Variants in INTS1 observed in about 807,000 individuals in gnomAD.
INTS1 encodes integrator complex subunit 1.
In INTS1, 137 loss-of-function variants were observed where a neutral mutation model predicts 241.6. The observed-to-expected ratio is 0.57, with a 90% CI of 0.49 to 0.65. The LOEUF (loss-of-function observed/expected upper bound fraction) is 0.65, where lower values mean the gene tolerates loss of function less well. Among genes scored for constraint, INTS1 ranks in the 30% least tolerant of loss-of-function variants. INTS1 has a pLI of 0.00. For synonymous variants in INTS1, 1,692 were observed against 1,337.8 expected (o/e 1.26, Z -5.78); for missense variants, 3,073 against 3,032.2 (o/e 1.01, Z -0.32).
At chr7:1,503,777 T>G (rs1783319796) in intron 2 of INTS1, 126 bp downstream of exon 2, 4 of 694,450 alleles carry the variant, frequency 5.8e-6, no homozygotes. Flanking sequence ...CCAGACCGAA[T>G]TCCTGGAAAC....
chr7:1,492,650 G>T (rs567412214), intron 16 of INTS1, among the ~76,000 whole-genome samples: 121 of 152,308 alleles, frequency 7.9e-4, no homozygotes, highest in Middle Eastern at 3.4e-3. Flanking sequence ...ACGCACACAC[G>T]TTAAACACAG....
chr7:1,474,364 C>T lies in INTS1; in HGVS notation c.5637-4G>A, dbSNP rs373321101. On this transcript the variant is annotated splice_polypyrimidine_tract_variant and splice_region_variant and intron_variant, in intron 40 of 47. Transcript: ENST00000404767. ...CGCCGCGATCATGGGCAGGTGCCTG[C>T]GGGCGCGGTGAGGGCCCAGTCAGCC... is the stretch of plus-strand genomic sequence containing the variant. 3.2e-6 allele frequency: 5 copies of T among 1,584,236 alleles called. No individual in the cohort carries two copies. Among genetic ancestry groups the T allele is most frequent in the South Asian group, 1.1e-5 (1 of 89,386 alleles).
chr7:1,500,458 C>T lies in INTS1; in HGVS notation c.350-92G>A. The T allele has an allele frequency of 3.0e-6, 4 of 1,353,846 alleles. No individual in the cohort carries two copies. The South Asian group carries it at 5.9e-5, about 20-fold the overall frequency. The allele number at this position is 1,353,846 out of a possible 1,614,324, so 83.9% of individuals were successfully genotyped here. On this transcript the variant is annotated intron_variant, in intron 3 of 47. Transcript: ENST00000404767. ...CGGGAAGACCACGAGGAACCCAGAG[C>T]TCTCAGGGTCGGCCCTGCCAGGGAC...
intron 3 of INTS1, among the ~76,000 whole-genome samples, chr7:1,502,680 G>A (rs144711642): frequency 0.01 from 1,597 of 152,278 alleles, 6 homozygotes; most frequent in Non-Finnish European, 0.016. Flanking sequence ...GGAGTGACCC[G>A]GTTCTCAAAG....
Position 1,474,785 on chromosome 7 carries a change from G to C in INTS1, c.5556C>G (p.Ser1852=), listed in dbSNP as rs776338733. 12 of 1,583,282 alleles carry C rather than the reference G, an allele frequency of 7.6e-6. No homozygotes were observed. The East Asian group carries it at 2.1e-4, about 27-fold the overall frequency. Residue 1852 remains serine (S), a synonymous_variant, in exon 40 of 48, where the codon TCC becomes TCG. Coordinates refer to ENST00000404767, the MANE Select transcript of INTS1 (RefSeq NM_001080453.3). ...CCGCCCCTCGGTTCTCCAACGCCCGGGAGTCGCTGGTGTCCGCAAGGAGCG... is the reference window on the plus strand; with the variant it reads ...CCGCCCCTCGGTTCTCCAACGCCCGCGAGTCGCTGGTGTCCGCAAGGAGCG... ...FITLLADTSD[S]RALENRGADA...
chr7:1,498,227 T>C lies in INTS1; in HGVS notation c.1425+185A>G, dbSNP rs192047968. The stretch of plus-strand genomic sequence containing the variant: ...TGAGAAAGACGCTGGGCGCTGTGGC[T>C]GCACCCACTCTAGAAACGGCTCAAC... On this transcript the variant is annotated intron_variant, in intron 10 of 47. Coordinates refer to ENST00000404767, the MANE Select transcript of INTS1 (RefSeq NM_001080453.3). The C allele has an allele frequency of 6.8e-5, 57 of 840,272 alleles. No homozygotes were observed. In the African/African-American group the frequency reaches 8.7e-4, roughly 13 times the overall value. 52.1% of individuals were successfully genotyped at this position (840,272 alleles called of 1,614,324 possible).
intron 3 of INTS1, 47 bp downstream of exon 3, chr7:1,502,854 G>C: frequency 1.2e-6 from 2 of 1,601,084 alleles, no homozygotes; most frequent in African/African-American, 1.3e-5. Context: ...CCTGATGGAC[G>C]GCATGAGCTG....
At chr7:1,503,333 C>T (rs1161103322) in intron 2 of INTS1, 142 bp from the exon 3 acceptor site, 24 of 865,330 alleles carry the variant, frequency 2.8e-5, no homozygotes, top group Non-Finnish European at 3.8e-5. Flanking sequence ...ACTCAGCAGC[C>T]TACAGCAGAG....
intron 3 of INTS1, 106 bp downstream of exon 3, chr7:1,502,795 C>A: frequency 8.0e-7 from 1 of 1,242,342 alleles, no homozygotes; most frequent in Non-Finnish European, 1.1e-6. Flanking sequence ...TCCCAAAGGA[C>A]CTCGGCCATA....
chr7:1,485,224 G>A, intron 23 of INTS1, 22 bp from the exon 24 acceptor site: 1 of 1,599,362 alleles, frequency 6.3e-7, no homozygotes, highest in South Asian at 1.1e-5. Flanking sequence ...GGTGGTCTGA[G>A]CGGCAACAGG....
chr7:1,500,504 A>C (rs1045339668), intron 3 of INTS1, 138 bp from the exon 4 acceptor site: 33 of 963,094 alleles, frequency 3.4e-5, no homozygotes, highest in Non-Finnish European at 4.3e-5. Context: ...CCCTCAGCAA[A>C]GTTCCCACAG....
chr7:1,495,952 A>G (rs918558223), intron 12 of INTS1, among the ~76,000 whole-genome samples: 3 of 152,194 alleles, frequency 2.0e-5, no homozygotes, highest in Non-Finnish European at 2.9e-5. Flanking sequence ...TCATGGGAAC[A>G]GGGTCTGAGC....
rs753660103 is a variant in INTS1, at chr7:1,498,704, C to G, written c.1283+3G>C. On this transcript the variant is annotated splice_donor_region_variant and intron_variant, in intron 9 of 47. Transcript: ENST00000404767. ...CCCCGCTCTGCCCCGGCTCGCCACG[C>G]ACCTGATGCACAGCATGAAGTGGTT... 7.1e-6 allele frequency: 11 copies of G among 1,550,664 alleles called. No individual in the cohort carries two copies. The South Asian group carries it at 1.3e-4, about 18-fold the overall frequency.
chr7:1,475,618 G>A (rs1048054292), intron 39 of INTS1, among the ~76,000 whole-genome samples: 1 of 152,150 alleles, frequency 6.6e-6, no homozygotes. Flanking sequence ...CCGGGCACGA[G>A]TCCCCAGCAG....
At chr7:1,491,239 G>C (rs193282713) in intron 16 of INTS1, among the ~76,000 whole-genome samples, 5 of 152,356 alleles carry the variant, frequency 3.3e-5, no homozygotes, top group Admixed American at 2.6e-4. Flanking sequence ...CCTCCCCAAA[G>C]GCGAGCTCTG....
In INTS1 at chr7:1,493,700, C is replaced by T. The variant is rs1782702785; in HGVS notation, c.2068+54G>A. ...GTGCGTGCCAGAGCCGGGGTTTCTG[C>T]AGGGACGAGGGGAGCAGACCCAGCA... On this transcript the variant is annotated intron_variant, in intron 15 of 47. Coordinates refer to ENST00000404767, the MANE Select transcript of INTS1 (RefSeq NM_001080453.3). The surrounding 1 kb of genome is among the most constrained non-coding windows in gnomAD (Gnocchi z 5.3). 1 of 1,512,988 alleles carries T rather than the reference C, an allele frequency of 6.6e-7. No individual in the cohort carries two copies. The highest frequency in any genetic ancestry group is 1.4e-5 in the African/African-American group (1 of 72,184). 93.7% of individuals were successfully genotyped at this position (1,512,988 alleles called of 1,614,324 possible).
At chr7:1,484,521 G>A (rs142050595) in intron 24 of INTS1, among the ~76,000 whole-genome samples, 37 of 152,344 alleles carry the variant, frequency 2.4e-4, no homozygotes, top group South Asian at 6.2e-4. Flanking sequence ...CAAGAGAACC[G>A]TGATGCAAAG....
intron 40 of INTS1, among the ~76,000 whole-genome samples, 156 bp downstream of exon 40, chr7:1,474,549 C>T (rs1371695739): frequency 6.6e-6 from 1 of 152,244 alleles, no homozygotes; most frequent in Non-Finnish European, 1.5e-5. Context: ...ACCTGAGGCC[C>T]AGCTCAGTCC....
In INTS1 at chr7:1,470,676, C is replaced by A; in HGVS notation, c.6474G>T (p.Leu2158=). The A allele has an allele frequency of 1.3e-6, 2 of 1,568,604 alleles. No individual in the cohort carries two copies. The highest frequency in any genetic ancestry group is 1.4e-5 in the African/African-American group (1 of 73,970). Residue 2158 remains leucine, a synonymous_variant, in exon 48 of 48, where the codon CTG becomes CTT. Coordinates refer to ENST00000404767, the MANE Select transcript of INTS1 (RefSeq NM_001080453.3). ...ALLCQEHAAV[L]LHRAFLVGMY... is the part of the protein sequence containing the mutation. Reference sequence around the variant, plus strand: ...TGCCCACCAGGAAGGCCCGGTGGAGCAGCACAGCCGCGTGCTCTGTGGGGG... The same window carrying A: ...TGCCCACCAGGAAGGCCCGGTGGAGAAGCACAGCCGCGTGCTCTGTGGGGG...
Sources: allele counts gnomAD v4.1 joint callset (sites outside exome capture counted in the v4.1 genomes callset), GRCh38; gene constraint gnomAD v4.1.1; non-coding constraint Gnocchi (gnomAD v3.1); transcripts MANE v1.5; gene names NCBI Gene and HGNC (gene_info 2026-07-23, HGNC 2026-07-21).